The following SLC25A42 variants were observed in gnomAD, a reference collection of about 807,000 sequenced individuals.
SLC25A42 encodes solute carrier family 25 member 42.
Under a neutral mutation model 34.7 loss-of-function variants are expected in SLC25A42, and 19 were observed. The ratio of observed to expected loss-of-function variants is 0.55; its 90% CI spans 0.38 to 0.80. The LOEUF (loss-of-function observed/expected upper bound fraction) is 0.80, where lower values mean the gene tolerates loss of function less well. SLC25A42 is among the 30% of genes least tolerant of loss of function. The pLI, the probability that SLC25A42 is intolerant of heterozygous loss-of-function variation, is 0.00. For missense variants in SLC25A42, 364 were observed against 441.3 expected, an observed-to-expected ratio of 0.82 and a Z score of 1.57; for synonymous variants, 205 against 191.2, an observed-to-expected ratio of 1.07 and a Z score of -0.59.
At chr19:19,091,982 C>T (rs2059740340) in intron 1 of SLC25A42, among the ~76,000 whole-genome samples, 1 of 152,136 alleles carries the variant, frequency 6.6e-6, no homozygotes, top group Admixed American at 6.5e-5. Context: ...GGGAGGGTGG[C>T]GGGTGCTGGT....
intron 1 of SLC25A42, among the ~76,000 whole-genome samples, chr19:19,079,958 G>C (rs2059672926): frequency 6.6e-6 from 1 of 152,182 alleles, no homozygotes; most frequent in Non-Finnish European, 1.5e-5. Flanking sequence ...TGTAACTTGT[G>C]AAGGAACCTC....
chr19:19,105,460 C>A, intron 4 of SLC25A42, 101 bp from the exon 5 acceptor site: 1 of 1,430,636 alleles, frequency 7.0e-7, no homozygotes, highest in Non-Finnish European at 9.5e-7. Context: ...ATGGGGTCAC[C>A]CCGGCCCCGC....
chr19:19,101,396 C>T lies in SLC25A42; in HGVS notation c.82-385C>T, dbSNP rs191212050. Among the ~76,000 whole-genome samples the T allele has an allele frequency of 2.4e-4, 37 of 152,294 alleles. No homozygotes were observed. In the East Asian group the frequency reaches 2.7e-3, roughly 11 times the overall value. On this transcript the variant is annotated intron_variant, in intron 2 of 7. Transcript: ENST00000318596. ...CCCACTGCCAACCCCCTGACCCCAA[C>T]GGTCCCTGGTGCCTGTTTTCAGTCC... is the stretch of plus-strand genomic sequence containing the variant.
intron 1 of SLC25A42, among the ~76,000 whole-genome samples, chr19:19,084,193 G>T (rs1460731305): frequency 6.6e-6 from 1 of 152,188 alleles, no homozygotes; most frequent in Non-Finnish European, 1.5e-5. Context: ...GCCCCGGCAG[G>T]CACCTTTGGG....
intron 2 of SLC25A42, among the ~76,000 whole-genome samples, chr19:19,096,916 G>A (rs1028365756): frequency 2.6e-5 from 4 of 152,002 alleles, no homozygotes; most frequent in Non-Finnish European, 4.4e-5. Context: ...CAGCCTGAGC[G>A]ACAGGGTGAA....
intron 1 of SLC25A42, among the ~76,000 whole-genome samples, chr19:19,074,673 C>CTG (rs373212309): frequency 6.6e-6 from 1 of 151,686 alleles, no homozygotes; most frequent in Non-Finnish European, 1.5e-5. Flanking sequence ...GCATATGAGT[C>CTG]TGTGTGTGTG....
In SLC25A42 at chr19:19,106,342, C is replaced by A; in HGVS notation, c.454C>A (p.Leu152Met). The A allele has an allele frequency of 6.2e-7, 1 of 1,613,822 alleles. No homozygotes were observed. Among genetic ancestry groups the A allele is most frequent in the Non-Finnish European group, 8.5e-7 (1 of 1,179,902 alleles). ...GTTAASLTYPLDLVRARMAVT... is the reference protein window; with the variant it reads ...GTTAASLTYPMDLVRARMAVT... ...GACAGCCGCTTCACTGACCTACCCC[C>A]TGGACCTGGTCAGAGCGCGGATGGC... Residue 152 changes from leucine to methionine, a missense_variant, in exon 6 of 8, where the codon CTG becomes ATG. Coordinates refer to ENST00000318596, the MANE Select transcript of SLC25A42 (RefSeq NM_178526.5).
intron 1 of SLC25A42, among the ~76,000 whole-genome samples, chr19:19,078,915 G>T (rs982329560): frequency 6.6e-6 from 1 of 150,856 alleles, no homozygotes; most frequent in African/African-American, 2.4e-5. Context: ...GCAGTGGCGC[G>T]CTCTTGGCTC....
At chr19:19,083,537 C>G (rs2059691478) in intron 1 of SLC25A42, among the ~76,000 whole-genome samples, 1 of 152,224 alleles carries the variant, frequency 6.6e-6, no homozygotes, top group African/African-American at 2.4e-5. Flanking sequence ...GCTCTCTGGC[C>G]TCCTGCCCCT....
At chr19:19,073,229 C>T (rs533113984) in intron 1 of SLC25A42, among the ~76,000 whole-genome samples, 1 of 152,324 alleles carries the variant, frequency 6.6e-6, no homozygotes, top group African/African-American at 2.4e-5. Flanking sequence ...TTTCTGCTTC[C>T]TTGCTGGGCA....
At chr19:19,095,668 C>T (rs375971118) in intron 1 of SLC25A42, among the ~76,000 whole-genome samples, 7 of 152,048 alleles carry the variant, frequency 4.6e-5, no homozygotes, top group East Asian at 3.9e-4. Context: ...CCCTCGGGTC[C>T]GAGCTGACAC....
chr19:19,094,205 C>G (rs1318431413), intron 1 of SLC25A42, among the ~76,000 whole-genome samples: 1 of 152,216 alleles, frequency 6.6e-6, no homozygotes, highest in Non-Finnish European at 1.5e-5. Context: ...CACCTGAGGG[C>G]AGGAGGCATG....
chr19:19,106,110 C>T (rs2059825956), intron 5 of SLC25A42, 159 bp from the exon 6 acceptor site: 1 of 635,410 alleles, frequency 1.6e-6, no homozygotes, highest in Non-Finnish European at 2.8e-6. Context: ...CTCCAGAGAC[C>T]CCATCAGCTT....
Position 19,109,671 on chromosome 19 carries a change from G to C in SLC25A42, c.650-898G>C, listed in dbSNP as rs773114565. On this transcript the variant is annotated intron_variant, in intron 7 of 7. Coordinates refer to ENST00000318596, the MANE Select transcript of SLC25A42 (RefSeq NM_178526.5). This position sits in a 1 kb window ranked among gnomAD's most constrained non-coding sequence, Gnocchi z 4.1. ...TGGTCTCCAATTCCTGGGCTCAAGT[G>C]ATCCGCCTGCCTTGGCCTCCCAAAG... is the stretch of plus-strand genomic sequence containing the variant. Among the ~76,000 whole-genome samples, 2 of 152,188 alleles carry C rather than the reference G, an allele frequency of 1.3e-5. No individual in the cohort carries two copies. Among genetic ancestry groups the C allele is most frequent in the African/African-American group, 2.4e-5 (1 of 41,444 alleles).
chr19:19,097,840 G>C (rs1347075347), intron 2 of SLC25A42, among the ~76,000 whole-genome samples: 1 of 152,120 alleles, frequency 6.6e-6, no homozygotes, highest in Non-Finnish European at 1.5e-5. Context: ...GCACGCACCT[G>C]TAATCCCAGC....
chr19:19,102,743 A>AAAATAAATAAAT (rs140086036), intron 3 of SLC25A42, among the ~76,000 whole-genome samples: 83 of 148,654 alleles, frequency 5.6e-4, no homozygotes, highest in African/African-American at 2.0e-3. Context: ...CTCTGTCTCA[A>AAAATAAATAAAT]AAATAAATAA....
intron 1 of SLC25A42, among the ~76,000 whole-genome samples, chr19:19,073,668 AG>A (rs1296664885): frequency 6.6e-6 from 1 of 151,182 alleles, no homozygotes; most frequent in Admixed American, 6.6e-5. Flanking sequence ...TCCGTCTCCT[AG>A]GTTCAAGCAA....
intron 1 of SLC25A42, among the ~76,000 whole-genome samples, chr19:19,083,798 G>A (rs1470105336): frequency 6.6e-6 from 1 of 152,058 alleles, no homozygotes; most frequent in African/African-American, 2.4e-5. Flanking sequence ...GCCCCAGCAT[G>A]CACCTCCTGG....
intron 3 of SLC25A42, among the ~76,000 whole-genome samples, 152 bp from the exon 4 acceptor site, chr19:19,104,760 TG>T (rs1437182280): frequency 1.3e-5 from 2 of 151,596 alleles, no homozygotes; most frequent in African/African-American, 4.9e-5. Context: ...CTCACTATTC[TG>T]GGGCTTGGGT....
Sources: allele counts gnomAD v4.1 joint callset (sites outside exome capture counted in the v4.1 genomes callset), GRCh38; gene constraint gnomAD v4.1.1; non-coding constraint Gnocchi (gnomAD v3.1); transcripts MANE v1.5; gene names NCBI Gene and HGNC (gene_info 2026-07-23, HGNC 2026-07-21).